ADAMTS16: variants seen among roughly 807,000 people sequenced by gnomAD.
ADAMTS16 encodes A disintegrin and metalloproteinase with thrombospondin motifs 16.
In ADAMTS16, 94 loss-of-function variants were observed where a neutral mutation model predicts 145.8. That is an observed-to-expected ratio of 0.64 (90% confidence interval 0.55 to 0.77). ADAMTS16 has a LOEUF of 0.77. Among genes scored for constraint, ADAMTS16 ranks in the 30% least tolerant of loss-of-function variants. The pLI is 0.00. For synonymous variants in ADAMTS16, 659 were observed against 604.3 expected (o/e 1.09, Z -1.33); for missense variants, 1,585 against 1,591.5 (o/e 1.00, Z 0.07).
At chr5:5,155,483 A>G (rs1030189930) in intron 3 of ADAMTS16, among the ~76,000 whole-genome samples, 1 of 152,242 alleles carries the variant, frequency 6.6e-6, no homozygotes, top group African/African-American at 2.4e-5. Flanking sequence ...TAAACAGAGA[A>G]TATCAAAGCA....
chr5:5,190,461 A>T (rs1422833517), intron 7 of ADAMTS16, among the ~76,000 whole-genome samples: 1 of 152,098 alleles, frequency 6.6e-6, no homozygotes, highest in Non-Finnish European at 1.5e-5. Context: ...ATATAGTGGA[A>T]ATAGTACATT....
At chr5:5,308,463 TG>T (rs897413486) in intron 21 of ADAMTS16, among the ~76,000 whole-genome samples, 1 of 152,194 alleles carries the variant, frequency 6.6e-6, no homozygotes, top group African/African-American at 2.4e-5. Flanking sequence ...CCCCCTGCAC[TG>T]TACCAGGTGT....
rs775184971 is a variant in ADAMTS16, at chr5:5,262,739, T to C, written c.2745T>C (p.Pro915=). 1.9e-6 allele frequency: 3 copies of C among 1,614,240 alleles called. No homozygotes were observed. Among genetic ancestry groups the C allele is most frequent in the East Asian group, 2.2e-5 (1 of 44,884 alleles). Residue 915 remains proline (P), a synonymous_variant, in exon 18 of 23, where the codon CCT becomes CCC. Transcript: ENST00000274181. Reference sequence around the variant, plus strand: ...CCTTCTGCAATCCCAAGACACGACCTGTCACGGGGCTGGTGCCTTGCAAAG... The same window carrying C: ...CCTTCTGCAATCCCAAGACACGACCCGTCACGGGGCTGGTGCCTTGCAAAG... ...NMSFCNPKTR[P]VTGLVPCKVS...
chr5:5,207,756 G>A (rs1736168176), intron 9 of ADAMTS16, among the ~76,000 whole-genome samples: 1 of 150,842 alleles, frequency 6.6e-6, no homozygotes, highest in Non-Finnish European at 1.5e-5. Flanking sequence ...TTATCAAATG[G>A]TTTTTTTCTT....
At chr5:5,229,374 C>T (rs1017499705) in intron 11 of ADAMTS16, among the ~76,000 whole-genome samples, 6 of 151,420 alleles carry the variant, frequency 4.0e-5, no homozygotes, top group South Asian at 2.1e-4. Context: ...CGTTAGGTTC[C>T]GTTCCAGTCA....
chr5:5,201,222 G>C (rs932617640), intron 9 of ADAMTS16, among the ~76,000 whole-genome samples: 2 of 152,122 alleles, frequency 1.3e-5, no homozygotes, highest in African/African-American at 4.8e-5. Context: ...GGTGTTCCTG[G>C]AGGAACTCAT....
intron 17 of ADAMTS16, among the ~76,000 whole-genome samples, chr5:5,251,239 C>T (rs1737613920): frequency 6.6e-6 from 1 of 152,196 alleles, no homozygotes; most frequent in Non-Finnish European, 1.5e-5. Flanking sequence ...CCATGCACAG[C>T]TCTGCAAATG....
intron 18 of ADAMTS16, among the ~76,000 whole-genome samples, chr5:5,290,683 C>T (rs145537522): frequency 1.3e-5 from 2 of 152,250 alleles, no homozygotes; most frequent in African/African-American, 2.4e-5. Flanking sequence ...AAAATAGAGG[C>T]GCTAAAATTC....
chr5:5,267,233 T>G (rs1246559409), intron 18 of ADAMTS16, among the ~76,000 whole-genome samples: 1 of 152,156 alleles, frequency 6.6e-6, no homozygotes, highest in Non-Finnish European at 1.5e-5. Context: ...GAACTCCCAG[T>G]GGGCATGTGT....
At chr5:5,298,974 G>A (rs1178920123) in intron 18 of ADAMTS16, among the ~76,000 whole-genome samples, 2 of 152,034 alleles carry the variant, frequency 1.3e-5, no homozygotes, top group Non-Finnish European at 2.9e-5. Flanking sequence ...TAACTCTGAT[G>A]CTGAAGAGGC....
chr5:5,275,984 G>A (rs1738676012), intron 18 of ADAMTS16, among the ~76,000 whole-genome samples: 2 of 151,774 alleles, frequency 1.3e-5, no homozygotes, highest in South Asian at 4.2e-4. Context: ...TCAGCCTCCC[G>A]AGTAGCTGGG....
In ADAMTS16 at chr5:5,206,449, A is replaced by AAAAAAAAAG. The variant is rs1736121724; in HGVS notation, c.1452-2644_1452-2643insAAAAAAAAG. Reference sequence around the variant, plus strand: ...TCAAAAAAAAAAAAAAAAAAAAAAGATCTGCCTTTAGATTCATTTTTTAGA... The same window carrying AAAAAAAAAG: ...TCAAAAAAAAAAAAAAAAAAAAAAGAAAAAAAAAGTCTGCCTTTAGATTCATTTTTTAGA... On this transcript the variant is annotated intron_variant, in intron 9 of 22. Transcript: ENST00000274181. Among the ~76,000 whole-genome samples, 4 of 136,890 alleles carry AAAAAAAAAG rather than the reference A, an allele frequency of 2.9e-5. No homozygotes were observed. In the South Asian group the frequency reaches 9.9e-4, roughly 34 times the overall value. 89.8% of individuals were successfully genotyped at this position (136,890 alleles called of 152,430 possible).
At chr5:5,265,443 G>A (rs1399801878) in intron 18 of ADAMTS16, among the ~76,000 whole-genome samples, 1 of 152,170 alleles carries the variant, frequency 6.6e-6, no homozygotes, top group Non-Finnish European at 1.5e-5. Flanking sequence ...CCAACTGGCG[G>A]TCATAGAAGT....
At chr5:5,282,359 G>T (rs973268613) in intron 18 of ADAMTS16, among the ~76,000 whole-genome samples, 1 of 152,182 alleles carries the variant, frequency 6.6e-6, no homozygotes, top group African/African-American at 2.4e-5. Context: ...TGACCAAAAT[G>T]AGATTTATTT....
intron 9 of ADAMTS16, among the ~76,000 whole-genome samples, chr5:5,203,476 A>G (rs1736011540): frequency 1.3e-5 from 2 of 152,344 alleles, no homozygotes; most frequent in South Asian, 4.1e-4. Context: ...TCTCCTTATT[A>G]GTAGTCTAGC....
At chr5:5,157,759 G>C (rs918492201) in intron 3 of ADAMTS16, among the ~76,000 whole-genome samples, 1 of 152,098 alleles carries the variant, frequency 6.6e-6, no homozygotes, top group Non-Finnish European at 1.5e-5. Flanking sequence ...AAAAAAGCAA[G>C]AGCTTTTCCT....
chr5:5,289,913 G>C (rs1177975433), intron 18 of ADAMTS16, among the ~76,000 whole-genome samples: 4 of 152,200 alleles, frequency 2.6e-5, no homozygotes, highest in Non-Finnish European at 5.9e-5. Flanking sequence ...CAAAAGTGCT[G>C]TCTCTACATC....
intron 3 of ADAMTS16, among the ~76,000 whole-genome samples, chr5:5,146,872 A>G (rs1734313181): frequency 6.6e-6 from 1 of 152,234 alleles, no homozygotes; most frequent in Admixed American, 6.5e-5. Context: ...ATTTGATCAG[A>G]TATTTGAAAG....
At chr5:5,179,042 G>A (rs534230299) in intron 3 of ADAMTS16, among the ~76,000 whole-genome samples, 2 of 151,518 alleles carry the variant, frequency 1.3e-5, no homozygotes, top group East Asian at 1.9e-4. Flanking sequence ...TACATCCTTC[G>A]TTTTATTAAT....
Sources: gnomAD v4.1 joint callset for allele counts (sites outside exome capture counted in the v4.1 genomes callset) on GRCh38, gnomAD v4.1.1 for gene constraint, MANE v1.5 for transcripts, NCBI Gene and HGNC (gene_info 2026-07-23, HGNC 2026-07-21) for gene names.